The following KDELR1 variants were observed in gnomAD, a reference collection of about 807,000 sequenced individuals.
KDELR1 encodes KDEL endoplasmic reticulum protein retention receptor 1.
A neutral mutation model predicts 25.5 loss-of-function variants in KDELR1; 16 were observed. That is an observed-to-expected ratio of 0.63 (90% CI 0.43 to 0.95). The LOEUF (loss-of-function observed/expected upper bound fraction) is 0.95, where lower values mean the gene tolerates loss of function less well. Ranked by LOEUF, KDELR1 falls within the 40% of genes least tolerant of loss-of-function variation. The probability of loss-of-function intolerance (pLI) is 0.00; values close to 1 mark genes in which losing one functional copy is unlikely to be tolerated. For synonymous variants in KDELR1, 121 were observed against 115.0 expected, an observed-to-expected ratio of 1.05 and a Z score of -0.33; for missense variants, 159 against 265.2, an observed-to-expected ratio of 0.60 and a Z score of 2.78.
Position 48,384,890 on chromosome 19 carries a change from CTT to C in KDELR1, c.352-410_352-409del, listed in dbSNP as rs68111834. On this transcript the variant is annotated intron_variant, in intron 3 of 4. Transcript: ENST00000330720. The surrounding 1 kb of genome is among the most constrained non-coding windows in gnomAD (Gnocchi z 4.6). Reference sequence around the variant, plus strand: ...GAAATTTCCCTTCCTTTTTCTTTTTCTTTTTTTTTTTTTTGAGATGGAGTATC... The same window carrying C: ...GAAATTTCCCTTCCTTTTTCTTTTTCTTTTTTTTTTTTGAGATGGAGTATC... Among the ~76,000 whole-genome samples the C allele has an allele frequency of 5.7e-5, 8 of 140,208 alleles. No homozygotes were observed. The highest frequency in any genetic ancestry group is 2.2e-4 in the Admixed American group (3 of 13,866). 92.0% of individuals were successfully genotyped at this position (140,208 alleles called of 152,430 possible). A position where few individuals can be genotyped will look rare whatever the true frequency, so the allele number is the denominator to read the frequency against.
At chr19:48,385,719 G>C (rs1335255931) in intron 3 of KDELR1, among the ~76,000 whole-genome samples, 1 of 152,142 alleles carries the variant, frequency 6.6e-6, no homozygotes, top group Non-Finnish European at 1.5e-5. Context: ...TGGTTGTCTT[G>C]GTTTGTGGAA....
rs1970466837 is a variant in KDELR1 at position 48,382,812 on chromosome 19, C to T, written c.*481G>A. 1 of 153,834 alleles carries T rather than the reference C, an allele frequency of 6.5e-6. No homozygotes were observed. The highest frequency in any genetic ancestry group is 1.4e-5 in the Non-Finnish European group (1 of 69,020). The allele number at this position is 153,834 out of a possible 1,614,324, so 9.5% of individuals were successfully genotyped here. A position where few individuals can be genotyped will look rare whatever the true frequency, so the allele number is the denominator to read the frequency against. On this transcript the variant is annotated 3_prime_UTR_variant, in exon 5 of 5. Coordinates refer to ENST00000330720, the MANE Select transcript of KDELR1 (RefSeq NM_006801.3). ...CTGGGCCTCCCTTTCTCCCTATCCC[C>T]AATCTAGAAATTTAGTGGGGGTCGC...
chr19:48,395,732 C>T (rs2147430738), upstream of KDELR1, among the ~76,000 whole-genome samples: 1 of 152,032 alleles, frequency 6.6e-6, no homozygotes, highest in African/African-American at 2.4e-5. Flanking sequence ...GAGGCCAGAG[C>T]TCGGTGGGGG....
chr19:48,392,766 C>G (rs899865198), upstream of KDELR1, among the ~76,000 whole-genome samples: 2 of 152,142 alleles, frequency 1.3e-5, no homozygotes, highest in Non-Finnish European at 2.9e-5. Flanking sequence ...AGAGTTTCTG[C>G]CCTGCCCACA....
upstream of KDELR1, among the ~76,000 whole-genome samples, chr19:48,395,139 C>G (rs993854497): frequency 1.3e-5 from 2 of 151,852 alleles, no homozygotes; most frequent in African/African-American, 2.4e-5. Context: ...TTTCCTGAGT[C>G]CCTACACCTC....
chr19:48,382,899 C>T lies in KDELR1; in HGVS notation c.*394G>A, dbSNP rs1970467392. ...GTCGGCAGATTTAGTGTTTGGCAAC[C>T]AGTGGGGCTGGGGGTGGGATCTGGG... On this transcript the variant is annotated 3_prime_UTR_variant, in exon 5 of 5. Coordinates refer to ENST00000330720, the MANE Select transcript of KDELR1 (RefSeq NM_006801.3). The T allele has an allele frequency of 3.2e-5, 6 of 187,710 alleles. No individual in the cohort carries two copies. Among genetic ancestry groups the T allele is most frequent in the Admixed American group, 2.3e-4 (4 of 17,150 alleles). 11.6% of individuals were successfully genotyped at this position (187,710 alleles called of 1,614,324 possible). A position where few individuals can be genotyped will look rare whatever the true frequency, so the allele number is the denominator to read the frequency against.
chr19:48,386,301 A>G (rs8111341), intron 3 of KDELR1, among the ~76,000 whole-genome samples: 38,893 of 151,432 alleles, frequency 0.26, 6,364 homozygotes, highest in African/African-American at 0.46. Context: ...TTTTTTAGTA[A>G]AGACAGGGTT....
At chr19:48,391,621 C>T (rs922733475), upstream of KDELR1, 8 of 489,494 alleles carry the variant, frequency 1.6e-5, no homozygotes, top group South Asian at 6.6e-5. Flanking sequence ...GCCTGGATCC[C>T]CGGCGCCCCC....
At chr19:48,394,349 GGCAA>G (rs1486952875), upstream of KDELR1, among the ~76,000 whole-genome samples, 1 of 151,294 alleles carries the variant, frequency 6.6e-6, no homozygotes, top group Non-Finnish European at 1.5e-5. The surrounding 1 kb of genome is among the most constrained non-coding windows in gnomAD (Gnocchi z 5.1). Context: ...GCGAGGAAGG[GGCAA>G]GCAGTTCCCC....
chr19:48,396,891 C>G, the KDELR1 span, among the ~76,000 whole-genome samples: 3 of 152,060 alleles, frequency 2.0e-5, no homozygotes, highest in African/African-American at 7.2e-5. Flanking sequence ...TCTGGAAGCC[C>G]CTAGTGCGGA....
chr19:48,397,394 T>C, the KDELR1 span, among the ~76,000 whole-genome samples: 2,417 of 152,182 alleles, frequency 0.016, 40 homozygotes, highest in Middle Eastern at 0.082. Flanking sequence ...CGCCTTACTT[T>C]CATGTCTGTA....
chr19:48,396,501 T>A (rs2147431803), upstream of KDELR1, among the ~76,000 whole-genome samples: 1 of 144,462 alleles, frequency 6.9e-6, no homozygotes. Flanking sequence ...GAGGGGAGCG[T>A]GAGTGTTAAC....
intron 1 of KDELR1, 39 bp from the exon 2 acceptor site, chr19:48,390,563 C>G (rs74174253): frequency 0.012 from 11,451 of 968,278 alleles, 2 homozygotes; most frequent in East Asian, 0.031. Flanking sequence ...GAGAGAGAGA[C>G]AGAGAGAGAG....
Position 48,391,319 on chromosome 19 carries a change from G to A in KDELR1, c.40C>T (p.Leu14Phe), listed in dbSNP as rs1465184717. 2 of 1,558,780 alleles carry A rather than the reference G, an allele frequency of 1.3e-6. No individual in the cohort carries two copies. The highest frequency in any genetic ancestry group is 1.7e-6 in the Non-Finnish European group (2 of 1,151,124). ...FRFLGDLSHL[L>F]AIILLLLKIW... is the part of the protein sequence containing the mutation. ...TTGAGCAGTAGCAAGATGATGGCGA[G>A]GAGGTGGGAGAGGTCTCCCAGGAAT... Residue 14 changes from leucine to phenylalanine, a missense_variant, in exon 1 of 5, where the codon CTC (leucine) becomes TTC (phenylalanine). Coordinates refer to ENST00000330720, the MANE Select transcript of KDELR1 (RefSeq NM_006801.3).
Position 48,384,856 on chromosome 19 carries a change from C to T in KDELR1, c.352-374G>A, listed in dbSNP as rs773787694. 5.9e-5 allele frequency among the ~76,000 whole-genome samples: 9 copies of T among 151,472 alleles called. No individual in the cohort carries two copies. The highest frequency in any genetic ancestry group is 1.2e-4 in the Non-Finnish European group (8 of 67,928). On this transcript the variant is annotated intron_variant, in intron 3 of 4. Coordinates refer to ENST00000330720, the MANE Select transcript of KDELR1 (RefSeq NM_006801.3). The surrounding 1 kb of genome is among the most constrained non-coding windows in gnomAD (Gnocchi z 4.6). Reference sequence around the variant, plus strand: ...TCTGAAAGGCAGGCTGGGTTGGAATCTTGCCTTGGAAATTTCCCTTCCTTT... The same window carrying T: ...TCTGAAAGGCAGGCTGGGTTGGAATTTTGCCTTGGAAATTTCCCTTCCTTT...
At chr19:48,387,902 C>G (rs943916276) in intron 3 of KDELR1, 1 of 152,156 alleles carries the variant, frequency 6.6e-6, no homozygotes, top group Admixed American at 6.5e-5. Flanking sequence ...GGCAAGAGAT[C>G]GCAAACTTAG....
At chr19:48,395,143 A>G (rs1026226225), upstream of KDELR1, among the ~76,000 whole-genome samples, 4 of 151,094 alleles carry the variant, frequency 2.6e-5, no homozygotes, top group African/African-American at 9.8e-5. Flanking sequence ...CTGAGTCCCT[A>G]CACCTCAGAC....
At chr19:48,391,191 C>T in intron 1 of KDELR1, 77 bp downstream of exon 1, 1 of 1,314,936 alleles carries the variant, frequency 7.6e-7, no homozygotes, top group South Asian at 1.3e-5. Context: ...TGCCCCCAAA[C>T]CCTTCCTGAG....
upstream of KDELR1, among the ~76,000 whole-genome samples, chr19:48,393,868 G>T (rs560770144): frequency 2.6e-5 from 4 of 151,986 alleles, no homozygotes; most frequent in African/African-American, 9.7e-5. This position sits in a 1 kb window ranked among gnomAD's most constrained non-coding sequence, Gnocchi z 5.6. Context: ...CCATCTGCCC[G>T]GTGAGGATCT....
Sources: gnomAD v4.1 joint callset for allele counts (sites outside exome capture counted in the v4.1 genomes callset) on GRCh38, gnomAD v4.1.1 for gene constraint, Gnocchi (gnomAD v3.1) non-coding constraint, MANE v1.5 for transcripts, NCBI Gene and HGNC (gene_info 2026-07-23, HGNC 2026-07-21) for gene names.